B3GNT2: variants seen among roughly 807,000 people sequenced by gnomAD.
B3GNT2 encodes the protein N-acetyllactosaminide beta-1,3-N-acetylglucosaminyltransferase 2.
Under a neutral mutation model 27.6 loss-of-function variants are expected in B3GNT2, and 12 were observed. The observed-to-expected ratio is 0.44, with a 90% CI of 0.28 to 0.71. The LOEUF (loss-of-function observed/expected upper bound fraction) is 0.71. Ranked by LOEUF, B3GNT2 falls within the 30% of genes least tolerant of loss-of-function variation. The pLI is 0.17. For synonymous variants in B3GNT2, 192 were observed against 189.7 expected (o/e 1.01, Z -0.10); for missense variants, 413 against 488.5 (o/e 0.85, Z 1.46).
intron 1 of B3GNT2, among the ~76,000 whole-genome samples, chr2:62,198,656 T>C (rs1348897370): frequency 6.6e-6 from 1 of 152,204 alleles, no homozygotes; most frequent in Non-Finnish European, 1.5e-5. Context: ...GCTGAATATA[T>C]GAAGGTTTGT....
chr2:62,198,859 T>C (rs1435134779), intron 1 of B3GNT2, among the ~76,000 whole-genome samples: 1 of 152,256 alleles, frequency 6.6e-6, no homozygotes, highest in African/African-American at 2.4e-5. Flanking sequence ...AAGAGAAATA[T>C]GCAGGGCTTT....
In B3GNT2 at chr2:62,209,622, G is replaced by A. The variant is rs898935640; in HGVS notation, c.-9-12590G>A. 7.2e-5 allele frequency among the ~76,000 whole-genome samples: 11 copies of A among 152,118 alleles called. No individual in the cohort carries two copies. In the East Asian group the frequency reaches 1.4e-3, roughly 19 times the overall value. ...AGAACACAGGCCAGACCCTTTACCC[G>A]CCCCCACGCCGTCACCCCCCACACA... is the stretch of plus-strand genomic sequence containing the variant. On this transcript the variant is annotated intron_variant, in intron 1 of 1. Transcript: ENST00000301998.
chr2:62,221,899 A>G, intron 1 of B3GNT2: 2 of 543,622 alleles, frequency 3.7e-6, no homozygotes, highest in Non-Finnish European at 7.1e-6. Context: ...GCATGTCTCA[A>G]ACAGTCACTT....
chr2:62,221,935 G>A (rs746231127), intron 1 of B3GNT2: 10 of 532,112 alleles, frequency 1.9e-5, no homozygotes, highest in Admixed American at 5.0e-5. Context: ...TGAGCCACGC[G>A]CTATTTTAAA....
intron 1 of B3GNT2, among the ~76,000 whole-genome samples, chr2:62,197,682 T>C (rs916598201): frequency 1.3e-5 from 2 of 152,336 alleles, no homozygotes; most frequent in Admixed American, 6.5e-5. Flanking sequence ...GGTATAATTA[T>C]TTGTGCCTCT....
chr2:62,221,976 C>A, intron 1 of B3GNT2: 1 of 575,794 alleles, frequency 1.7e-6, no homozygotes, highest in East Asian at 3.3e-5. Context: ...ATACTCACAA[C>A]CATCCTTTGA....
chr2:62,210,807 T>C (rs1426697835), intron 1 of B3GNT2, among the ~76,000 whole-genome samples: 1 of 152,138 alleles, frequency 6.6e-6, no homozygotes, highest in Non-Finnish European at 1.5e-5. Flanking sequence ...CAGTATTCAC[T>C]GTCAGTGTGG....
intron 1 of B3GNT2, among the ~76,000 whole-genome samples, chr2:62,218,091 C>G (rs530976988): frequency 6.6e-6 from 1 of 152,154 alleles, no homozygotes; most frequent in African/African-American, 2.4e-5. Context: ...ATTCTTCTTA[C>G]GCAATGTAAC....
Position 62,222,517 on chromosome 2 carries a change from C to T in B3GNT2, c.297C>T (p.Asp99=), listed in dbSNP as rs1167535692. Residue 99 remains aspartate (D), a synonymous_variant, in exon 2 of 2, where the codon GAC becomes GAT. Transcript: ENST00000301998. This position sits in a 1 kb window ranked among gnomAD's most constrained non-coding sequence, Gnocchi z 4.2. ...NISHLNYCEP[D]LRVTSVVTGF... ...GCCATCTGAACTACTGCGAACCTGACCTGAGGGTCACGTCGGTGGTTACGG... is the reference window on the plus strand; with the variant it reads ...GCCATCTGAACTACTGCGAACCTGATCTGAGGGTCACGTCGGTGGTTACGG... 2 of 1,614,178 alleles carry T rather than the reference C, an allele frequency of 1.2e-6. No homozygotes were observed. Among genetic ancestry groups the T allele is most frequent in the Non-Finnish European group, 1.7e-6 (2 of 1,180,028 alleles).
chr2:62,213,566 G>A (rs1378813252), intron 1 of B3GNT2, among the ~76,000 whole-genome samples: 1 of 152,178 alleles, frequency 6.6e-6, no homozygotes, highest in Non-Finnish European at 1.5e-5. Context: ...CCATGAGTCT[G>A]CTGCCTTTGG....
At chr2:62,220,852 C>G (rs2104211719) in intron 1 of B3GNT2, among the ~76,000 whole-genome samples, 1 of 152,308 alleles carries the variant, frequency 6.6e-6, no homozygotes, top group Non-Finnish European at 1.5e-5. Flanking sequence ...TCATCCATGT[C>G]AATAGTGTTA....
Position 62,222,079 on chromosome 2 carries a change from AT to A in B3GNT2, c.-9-130del. ...ACAAAGCTAGAAAGGAAGGGCCAAG[AT>A]TTGAACCTAGGCAGTGCAAGTGTAG... is the stretch of plus-strand genomic sequence containing the variant. On this transcript the variant is annotated intron_variant, in intron 1 of 1. Coordinates refer to ENST00000301998, the MANE Select transcript of B3GNT2 (RefSeq NM_006577.6). The surrounding 1 kb of genome is among the most constrained non-coding windows in gnomAD (Gnocchi z 4.2). 1 of 804,758 alleles carries A rather than the reference AT, an allele frequency of 1.2e-6. No homozygotes were observed. Among genetic ancestry groups the A allele is most frequent in the East Asian group, 2.7e-5 (1 of 37,346 alleles). The allele number at this position is 804,758 out of a possible 1,614,324, so 49.9% of individuals were successfully genotyped here.
At chr2:62,196,530 G>GCTTCCTCC (rs1674145880) in intron 1 of B3GNT2, among the ~76,000 whole-genome samples, 175 bp downstream of exon 1, 1 of 152,232 alleles carries the variant, frequency 6.6e-6, no homozygotes, top group Non-Finnish European at 1.5e-5. Context: ...CCCCGGTGGA[G>GCTTCCTCC]GAAGCCGTCC....
intron 1 of B3GNT2, among the ~76,000 whole-genome samples, chr2:62,199,174 G>A (rs1260517437): frequency 2.0e-5 from 3 of 152,022 alleles, no homozygotes; most frequent in Non-Finnish European, 4.4e-5. Context: ...CTCCTGACCT[G>A]GTGATCCACC....
At chr2:62,214,254 G>T (rs574523272) in intron 1 of B3GNT2, among the ~76,000 whole-genome samples, 7 of 152,334 alleles carry the variant, frequency 4.6e-5, no homozygotes, top group African/African-American at 1.4e-4. Flanking sequence ...GGGAGGGTGT[G>T]TCCAGGGGAC....
chr2:62,222,796 C>G lies in B3GNT2; in HGVS notation c.576C>G (p.Pro192=). The G allele has an allele frequency of 1.9e-6, 3 of 1,614,130 alleles. No individual in the cohort carries two copies. The highest frequency in any genetic ancestry group is 2.5e-6 in the Non-Finnish European group (3 of 1,180,042). ...AGACACCCCCAGAGGACAACCACCC[C>G]GACCTTTCAGATATGCTGAAATTTG... The part of the protein sequence containing the change: ...LGQTPPEDNH[P]DLSDMLKFES... The change falls in exon 2 of 2, where the codon CCC becomes CCG. Residue 192 remains proline (P), a synonymous_variant. Coordinates refer to ENST00000301998, the MANE Select transcript of B3GNT2 (RefSeq NM_006577.6). The surrounding 1 kb of genome is among the most constrained non-coding windows in gnomAD (Gnocchi z 4.2).
intron 1 of B3GNT2, among the ~76,000 whole-genome samples, chr2:62,201,558 G>C (rs151335193): frequency 2.0e-5 from 3 of 152,196 alleles, no homozygotes; most frequent in Non-Finnish European, 4.4e-5. Context: ...CGTGTAAGCG[G>C]TATTACATAA....
chr2:62,221,520 AAG>A (rs542853377), intron 1 of B3GNT2, among the ~76,000 whole-genome samples: 76 of 152,276 alleles, frequency 5.0e-4, no homozygotes, highest in African/African-American at 1.8e-3. Context: ...CATTAAAAAA[AAG>A]AGAGAGAGAT....
chr2:62,209,829 T>A (rs1657057430), intron 1 of B3GNT2, among the ~76,000 whole-genome samples: 1 of 152,180 alleles, frequency 6.6e-6, no homozygotes, highest in Non-Finnish European at 1.5e-5. Context: ...AAGCAGATTT[T>A]CTCCACCTGT....
Sources: gnomAD v4.1 joint callset for allele counts (sites outside exome capture counted in the v4.1 genomes callset) on GRCh38, gnomAD v4.1.1 for gene constraint, Gnocchi (gnomAD v3.1) non-coding constraint, MANE v1.5 for transcripts, NCBI Gene and HGNC (gene_info 2026-07-23, HGNC 2026-07-21) for gene names.